FAM120AOS: variants seen among roughly 807,000 people sequenced by gnomAD.
The protein encoded by FAM120AOS is family with sequence similarity 120 member A opposite strand.
FAM120AOS carries 15 observed loss-of-function variants against 20.2 expected under a neutral mutation model. That is an observed-to-expected ratio of 0.74 (90% CI 0.50 to 1.15). The LOEUF (loss-of-function observed/expected upper bound fraction) is 1.15. Ranked by LOEUF, FAM120AOS falls within the 50% of genes most tolerant of loss-of-function variation. The pLI is 0.00. For missense variants in FAM120AOS, 327 were observed against 351.9 expected (o/e 0.93, Z 0.57); for synonymous variants, 154 against 154.0 (o/e 1.00, Z 0.00).
chr9:93,449,733 G>A (rs947812147), intron 2 of FAM120AOS, among the ~76,000 whole-genome samples: 1 of 151,884 alleles, frequency 6.6e-6, no homozygotes, highest in Non-Finnish European at 1.5e-5. Context: ...TGATCTGCCC[G>A]CCTCGGCCTC....
rs1856892044 is a variant in FAM120AOS at position 93,447,499 on chromosome 9, A to T, written c.*112T>A. 2.0e-6 allele frequency: 2 copies of T among 1,009,442 alleles called. No individual in the cohort carries two copies. Among genetic ancestry groups the T allele is most frequent in the African/African-American group, 3.2e-5 (2 of 62,056 alleles). The allele number at this position is 1,009,442 out of a possible 1,614,324, so 62.5% of individuals were successfully genotyped here. A position where few individuals can be genotyped will look rare whatever the true frequency, so the allele number is the denominator to read the frequency against. On this transcript the variant is annotated 3_prime_UTR_variant, in exon 3 of 3. Transcript: ENST00000375412. ...ACCCTCCAATATAGAGAGAACTCTG[A>T]AACCAGAAGCAGAAGCTGAGGAATG...
In FAM120AOS at chr9:93,453,042, C is replaced by T; in HGVS notation, c.-333G>A. On this transcript the variant is annotated 5_prime_UTR_variant, in exon 1 of 3. Transcript: ENST00000375412. ...GCTTTTTGTGTTAGATTTCAAAGAC[C>T]CGTGCACTTTGACAGGATGGGATTT... 3 of 1,132,622 alleles carry T rather than the reference C, an allele frequency of 2.6e-6. No individual in the cohort carries two copies. The highest frequency in any genetic ancestry group is 2.3e-5 in the South Asian group (1 of 43,614). The allele number at this position is 1,132,622 out of a possible 1,614,324, so 70.2% of individuals were successfully genotyped here. A position where few individuals can be genotyped will look rare whatever the true frequency, so the allele number is the denominator to read the frequency against.
intron 2 of FAM120AOS, among the ~76,000 whole-genome samples, chr9:93,448,077 G>A (rs1486613023): frequency 1.3e-5 from 2 of 152,164 alleles, no homozygotes; most frequent in Non-Finnish European, 2.9e-5. Flanking sequence ...CAGTCTGCTG[G>A]TCTCCCAACA....
chr9:93,451,355 G>A (rs1024183631), intron 1 of FAM120AOS: 2 of 1,425,210 alleles, frequency 1.4e-6, no homozygotes, highest in African/African-American at 1.5e-5. Flanking sequence ...CCCTTCGCCC[G>A]AGAACCACCG....
intron 2 of FAM120AOS, among the ~76,000 whole-genome samples, chr9:93,449,203 TAC>T (rs1380228528): frequency 3.9e-5 from 6 of 152,122 alleles, no homozygotes; most frequent in African/African-American, 1.4e-4. Flanking sequence ...TCTAGACAAA[TAC>T]AGTTTCTGGA....
intron 1 of FAM120AOS, chr9:93,451,809 C>A (rs1358219424): frequency 4.1e-6 from 4 of 973,372 alleles, no homozygotes; most frequent in African/African-American, 1.8e-5. Flanking sequence ...CCAGTCCCCC[C>A]TAGAGGCCGC....
intron 1 of FAM120AOS, chr9:93,451,455 T>C: frequency 8.6e-7 from 1 of 1,166,894 alleles, no homozygotes; most frequent in South Asian, 2.7e-5. Flanking sequence ...GCGAACGGCC[T>C]CTGGCCTCCA....
At position 93,444,027 on chromosome 9, in the gene FAM120AOS, A is replaced by G. The variant is rs150909481; in HGVS notation, c.*3584T>C. Among the ~76,000 whole-genome samples, 132 of 152,006 alleles carry G rather than the reference A, an allele frequency of 8.7e-4. No individual in the cohort carries two copies. Among genetic ancestry groups the G allele is most frequent in the African/African-American group, 3.0e-3 (125 of 41,448 alleles). On this transcript the variant is annotated 3_prime_UTR_variant, in exon 3 of 3. Coordinates refer to ENST00000375412, the MANE Select transcript of FAM120AOS (RefSeq NM_198841.4). ...GAAAGACAGGTTTTCTCTCAGGGGA[A>G]TTTTTTTGTTTGTTTTTGTTTTTGT... is the stretch of plus-strand genomic sequence containing the variant.
chr9:93,451,554 C>A, intron 1 of FAM120AOS: 2 of 985,604 alleles, frequency 2.0e-6, no homozygotes, highest in Non-Finnish European at 2.4e-6. Flanking sequence ...CCGGGAGCCC[C>A]GAGCCGCGTC....
Position 93,452,180 on chromosome 9 carries a change from A to C in FAM120AOS, c.530T>G (p.Leu177Trp), listed in dbSNP as rs1857266259. 1.2e-6 allele frequency: 2 copies of C among 1,611,490 alleles called. No individual in the cohort carries two copies. Among genetic ancestry groups the C allele is most frequent in the Non-Finnish European group, 1.7e-6 (2 of 1,179,718 alleles). The change falls in exon 1 of 3, where the codon TTG becomes TGG. Residue 177 changes from leucine to tryptophan, a missense_variant. Leu to Trp is a moderately conservative substitution (Grantham distance 61). Transcript: ENST00000375412. This position sits in a 1 kb window ranked among gnomAD's most constrained non-coding sequence, Gnocchi z 7.0. ...APLKKTKSSM[L>W]PPKQALASAA... ...GCTGGCCAAGGCCTGCTTCGGCGGC[A>C]ACATCGAGCTCTTCGTCTTCTTCAA...
chr9:93,453,341 A>G lies in FAM120AOS; in HGVS notation c.-632T>C. 3 of 985,790 alleles carry G rather than the reference A, an allele frequency of 3.0e-6. No homozygotes were observed. The African/African-American group carries it at 5.2e-5, about 17-fold the overall frequency. 61.1% of individuals were successfully genotyped at this position (985,790 alleles called of 1,614,324 possible). On this transcript the variant is annotated 5_prime_UTR_variant, in exon 1 of 3. Transcript: ENST00000375412. ...GGGCCAGAGGAGAACTTCAGGACCC[A>G]GCAGTGACTGTGAAGATAAGCACAT...
chr9:93,448,879 T>A (rs1287434268), intron 2 of FAM120AOS, among the ~76,000 whole-genome samples: 2 of 152,062 alleles, frequency 1.3e-5, no homozygotes, highest in African/African-American at 4.8e-5. Context: ...CACCTCAGCC[T>A]CCCAAAGTGC....
Position 93,447,541 on chromosome 9 carries a change from C to G in FAM120AOS, c.*70G>C. 7.5e-7 allele frequency: 1 copy of G among 1,329,068 alleles called. No individual in the cohort carries two copies. Among genetic ancestry groups the G allele is most frequent in the Non-Finnish European group, 1.1e-6 (1 of 929,772 alleles). The allele number at this position is 1,329,068 out of a possible 1,614,324, so 82.3% of individuals were successfully genotyped here. A position where few individuals can be genotyped will look rare whatever the true frequency, so the allele number is the denominator to read the frequency against. The stretch of plus-strand genomic sequence containing the variant: ...TGAGGAATGGTGAATAGAGCATTTT[C>G]CCTCACACGATGGGTATCAGGGTGG... On this transcript the variant is annotated 3_prime_UTR_variant, in exon 3 of 3. Coordinates refer to ENST00000375412, the MANE Select transcript of FAM120AOS (RefSeq NM_198841.4).
In FAM120AOS at chr9:93,452,923, C is replaced by T. The variant is rs2131171391; in HGVS notation, c.-214G>A. ...TGTTGTTAGCCCGGTGACAGCGAGA[C>T]GTGTCTAAGGGCCAGTGCCCTGGCC... On this transcript the variant is annotated 5_prime_UTR_variant, in exon 1 of 3. Transcript: ENST00000375412. The surrounding 1 kb of genome is among the most constrained non-coding windows in gnomAD (Gnocchi z 7.0). 7.0e-7 allele frequency: 1 copy of T among 1,424,788 alleles called. No homozygotes were observed. Among genetic ancestry groups the T allele is most frequent in the Non-Finnish European group, 9.1e-7 (1 of 1,096,224 alleles). The allele number at this position is 1,424,788 out of a possible 1,614,324, so 88.3% of individuals were successfully genotyped here.
intron 1 of FAM120AOS, chr9:93,451,658 G>C (rs1857209633): frequency 1.0e-6 from 1 of 961,884 alleles, no homozygotes; most frequent in Non-Finnish European, 1.2e-6. Context: ...CGCCCGCCCC[G>C]CCCCGGCCCT....
intron 1 of FAM120AOS, chr9:93,451,898 C>A (rs1248681638): frequency 1.6e-6 from 2 of 1,260,954 alleles, no homozygotes; most frequent in Middle Eastern, 3.0e-4. Flanking sequence ...CACCCGCGCC[C>A]GCGCCCCCGC....
Position 93,444,035 on chromosome 9 carries a change from GTTTGTT to G in FAM120AOS, c.*3570_*3575del, listed in dbSNP as rs201438819. On this transcript the variant is annotated 3_prime_UTR_variant, in exon 3 of 3. Coordinates refer to ENST00000375412, the MANE Select transcript of FAM120AOS (RefSeq NM_198841.4). ...GGTTTTCTCTCAGGGGAATTTTTTT[GTTTGTT>G]TTTGTTTTTGTTTTTTGAGACGGAG... Among the ~76,000 whole-genome samples, 3,615 of 152,092 alleles carry G rather than the reference GTTTGTT, an allele frequency of 0.024. 68 individuals carry two copies. Among genetic ancestry groups the G allele is most frequent in the Middle Eastern group, 0.031 (9 of 294 alleles).
intron 1 of FAM120AOS, chr9:93,451,063 A>T: frequency 1.3e-6 from 2 of 1,550,574 alleles, no homozygotes; most frequent in Non-Finnish European, 1.7e-6. Flanking sequence ...CACAACCGAG[A>T]GCCCGAAGCT....
rs4390003 is a variant in FAM120AOS at position 93,450,094 on chromosome 9, C to A, written c.684+385G>T. On this transcript the variant is annotated intron_variant, in intron 2 of 2. Coordinates refer to ENST00000375412, the MANE Select transcript of FAM120AOS (RefSeq NM_198841.4). The stretch of plus-strand genomic sequence containing the variant: ...CTCCGCCTCCCGGGTTCAACCAATT[C>A]TCCTGCCTCAGCCTCCCAAGTAGCT... Among the ~76,000 whole-genome samples, 747 of 151,986 alleles carry A rather than the reference C, an allele frequency of 4.9e-3. 3 individuals are homozygous for A. Among genetic ancestry groups the A allele is most frequent in the African/African-American group, 0.017 (709 of 41,432 alleles).
Sources: gnomAD v4.1 joint callset for allele counts (sites outside exome capture counted in the v4.1 genomes callset) on GRCh38, gnomAD v4.1.1 for gene constraint, Gnocchi (gnomAD v3.1) non-coding constraint, MANE v1.5 for transcripts, NCBI Gene and HGNC (gene_info 2026-07-23, HGNC 2026-07-21) for gene names.